Variants in SOX5 observed in about 807,000 individuals in gnomAD.
SOX5 encodes SRY-box transcription factor 5.
Under a neutral mutation model 92.0 loss-of-function variants are expected in SOX5, and 9 were observed. The ratio of observed to expected loss-of-function variants is 0.10; its 90% CI spans 0.06 to 0.17. The LOEUF (loss-of-function observed/expected upper bound fraction) is 0.17, where lower values mean the gene tolerates loss of function less well. Among genes scored for constraint, SOX5 ranks in the 10% least tolerant of loss-of-function variants. The pLI, the probability that SOX5 is intolerant of heterozygous loss-of-function variation, is 1.00. For missense variants in SOX5, 642 were observed against 944.5 expected, an observed-to-expected ratio of 0.68 and a Z score of 4.20; for synonymous variants, 344 against 336.3, an observed-to-expected ratio of 1.02 and a Z score of -0.25.
intron 1 of SOX5, among the ~76,000 whole-genome samples, chr12:24,461,093 C>T (rs1235918560): frequency 6.6e-6 from 1 of 152,138 alleles, no homozygotes; most frequent in Non-Finnish European, 1.5e-5. Context: ...GATTTGGTTG[C>T]CCTCTACTAA....
chr12:24,148,712 A>G (rs398044908), intron 4 of SOX5, among the ~76,000 whole-genome samples: 20,414 of 114,284 alleles, frequency 0.18, 1,697 homozygotes, highest in Non-Finnish European at 0.29. Context: ...AAAAAAAAAA[A>G]AAAAGAAGAA....
chr12:24,020,111 C>A (rs908802689), intron 4 of SOX5, among the ~76,000 whole-genome samples: 5 of 152,080 alleles, frequency 3.3e-5, no homozygotes, highest in Admixed American at 2.0e-4. Flanking sequence ...TTTACTCCTA[C>A]AAAATTTTGA....
chr12:23,554,006 C>T (rs951099957), intron 11 of SOX5, among the ~76,000 whole-genome samples: 1 of 151,964 alleles, frequency 6.6e-6, no homozygotes, highest in Non-Finnish European at 1.5e-5. Context: ...TTCAGAAATG[C>T]TGGGTCTGAC....
chr12:23,702,195 C>A (rs2090747581), intron 6 of SOX5, among the ~76,000 whole-genome samples: 1 of 151,952 alleles, frequency 6.6e-6, no homozygotes, highest in Admixed American at 6.6e-5. Flanking sequence ...TGTTTAATAT[C>A]TACACTGCAA....
rs956203701 is a variant in SOX5 at position 23,567,532 on chromosome 12, C to G, written c.1343-4129G>C. 2.1e-5 allele frequency among the ~76,000 whole-genome samples: 3 copies of G among 140,474 alleles called. No individual in the cohort carries two copies. In the East Asian group the frequency reaches 6.3e-4, roughly 30 times the overall value. 92.2% of individuals were successfully genotyped at this position (140,474 alleles called of 152,430 possible). On this transcript the variant is annotated intron_variant, in intron 10 of 14. Transcript: ENST00000451604. ...CTGGAGTGCAGTGGCATGATCATAG[C>G]TCACTGCAACCTTGAACTTCTGGGC...
At chr12:23,628,894 A>T (rs1005162774) in intron 8 of SOX5, among the ~76,000 whole-genome samples, 11 of 152,002 alleles carry the variant, frequency 7.2e-5, no homozygotes, top group South Asian at 2.1e-4. Flanking sequence ...CCAGCTCGAA[A>T]TTGTCATGTG....
chr12:23,757,714 C>T (rs1331465527), intron 3 of SOX5, among the ~76,000 whole-genome samples: 1 of 151,856 alleles, frequency 6.6e-6, no homozygotes, highest in Non-Finnish European at 1.5e-5. Flanking sequence ...ATCCATTGTG[C>T]ACTAACAATA....
chr12:24,306,463 T>C (rs181320081), intron 2 of SOX5, among the ~76,000 whole-genome samples: 1 of 152,298 alleles, frequency 6.6e-6, no homozygotes, highest in African/African-American at 2.4e-5. Context: ...CTGGCCACTT[T>C]GACAAGAGAA....
In SOX5 at chr12:23,786,233, A is replaced by G. The variant is rs2095374682; in HGVS notation, c.482-30509T>C. ...AGTGTTTCAATCATACCAGAAAGACATACTTCCACTTACAAATATTAAAAA... is the reference window on the plus strand; with the variant it reads ...AGTGTTTCAATCATACCAGAAAGACGTACTTCCACTTACAAATATTAAAAA... On this transcript the variant is annotated intron_variant, in intron 3 of 14. Transcript: ENST00000451604. Among the ~76,000 whole-genome samples the G allele has an allele frequency of 2.0e-5, 3 of 152,066 alleles. No homozygotes were observed. The South Asian group carries it at 6.2e-4, about 31-fold the overall frequency.
chr12:24,440,432 A>C (rs535024937), intron 1 of SOX5, among the ~76,000 whole-genome samples: 1 of 152,180 alleles, frequency 6.6e-6, no homozygotes, highest in Non-Finnish European at 1.5e-5. Context: ...ACTAGTTGTG[A>C]AAGTGTGGCT....
At chr12:24,042,174 T>A (rs1280605323) in intron 4 of SOX5, among the ~76,000 whole-genome samples, 2 of 152,074 alleles carry the variant, frequency 1.3e-5, no homozygotes, top group Non-Finnish European at 2.9e-5. Context: ...ATTTTTATTA[T>A]AAAAATAAAG....
chr12:23,600,820 T>C (rs2074394785), intron 9 of SOX5, among the ~76,000 whole-genome samples: 1 of 151,950 alleles, frequency 6.6e-6, no homozygotes, highest in Non-Finnish European at 1.5e-5. Context: ...TATCATTTAA[T>C]ATTATAAATA....
At chr12:23,849,472 C>T (rs1461484130) in intron 2 of SOX5, among the ~76,000 whole-genome samples, 1 of 152,120 alleles carries the variant, frequency 6.6e-6, no homozygotes, top group African/African-American at 2.4e-5. Context: ...ACAGTATATG[C>T]TCAAGGTCAC....
chr12:24,210,595 A>G (rs1033759984), intron 4 of SOX5, among the ~76,000 whole-genome samples: 4 of 152,242 alleles, frequency 2.6e-5, no homozygotes, highest in Admixed American at 1.3e-4. Context: ...TGAGAAATTC[A>G]GCTGTGCCAA....
chr12:23,686,678 G>T (rs1200401291), intron 6 of SOX5, among the ~76,000 whole-genome samples: 1 of 151,998 alleles, frequency 6.6e-6, no homozygotes, highest in African/African-American at 2.4e-5. Flanking sequence ...GTAATTACCT[G>T]TTCAGTTGTT....
At chr12:23,683,145 T>TGATAA (rs2086906274) in intron 6 of SOX5, among the ~76,000 whole-genome samples, 1 of 151,910 alleles carries the variant, frequency 6.6e-6, no homozygotes. Context: ...GTAATTAATG[T>TGATAA]GATAAGCAAG....
chr12:23,611,294 G>A (rs759124998), intron 8 of SOX5, among the ~76,000 whole-genome samples: 9 of 150,620 alleles, frequency 6.0e-5, no homozygotes, highest in Non-Finnish European at 1.3e-4. Context: ...TATGCTTCAG[G>A]TTTATCCATG....
At chr12:23,718,335 C>T (rs2092625279) in intron 6 of SOX5, among the ~76,000 whole-genome samples, 3 of 152,144 alleles carry the variant, frequency 2.0e-5, no homozygotes, top group Non-Finnish European at 4.4e-5. Flanking sequence ...ATTATTCCTT[C>T]ATGAAGACAT....
At chr12:23,742,347 C>A (rs1463569002) in intron 4 of SOX5, among the ~76,000 whole-genome samples, 6 of 152,140 alleles carry the variant, frequency 3.9e-5, no homozygotes, top group African/African-American at 1.4e-4. Flanking sequence ...GTAACCATTT[C>A]TTATGCTCTT....
Sources: gnomAD v4.1 joint callset for allele counts (sites outside exome capture counted in the v4.1 genomes callset) on GRCh38, gnomAD v4.1.1 for gene constraint, MANE v1.5 for transcripts, NCBI Gene and HGNC (gene_info 2026-07-23, HGNC 2026-07-21) for gene names.